Variants in DMD observed in about 807,000 individuals in gnomAD.
DMD encodes the protein dystrophin, also known as mutant dystrophin.
Under a neutral mutation model 330.1 loss-of-function variants are expected in DMD, and 63 were observed. The observed-to-expected ratio is 0.19, with a 90% CI of 0.16 to 0.24. The LOEUF (loss-of-function observed/expected upper bound fraction) is 0.24. Ranked by LOEUF, DMD falls within the 10% of genes least tolerant of loss-of-function variation. DMD has a pLI of 1.00. For missense variants in DMD, 3,344 were observed against 2,684.1 expected (o/e 1.25, Z -5.43); for synonymous variants, 1,223 against 959.8 (o/e 1.27, Z -5.07).
intron 37 of DMD, among the ~76,000 whole-genome samples, chrX:32,359,438 T>A (rs1271973559): frequency 8.9e-6 from 1 of 111,793 alleles, no homozygotes; most frequent in Non-Finnish European, 1.9e-5. Context: ...ACTTTTTTTA[T>A]CACCATAGTA....
At chrX:33,165,228 A>G (rs1200000879) in intron 1 of DMD, among the ~76,000 whole-genome samples, 2 of 111,581 alleles carry the variant, frequency 1.8e-5, no homozygotes, top group African/African-American at 6.5e-5. Context: ...GGGTTTCAGC[A>G]TTGCATGACA....
At chrX:32,683,996 A>AAC (rs751597257) in intron 9 of DMD, among the ~76,000 whole-genome samples, 1,968 of 100,503 alleles carry the variant, frequency 0.02, 27 homozygotes, top group Middle Eastern at 0.067. Context: ...GCACATACAA[A>AAC]ACACACACAC....
chrX:32,890,723 G>A (rs970824784), intron 2 of DMD, among the ~76,000 whole-genome samples: 5 of 112,019 alleles, frequency 4.5e-5, no homozygotes, highest in African/African-American at 1.6e-4. Flanking sequence ...GGGTTATGTT[G>A]TCCAGTAAGA....
intron 60 of DMD, among the ~76,000 whole-genome samples, chrX:31,423,707 C>T (rs143314632): frequency 0.015 from 1,643 of 111,022 alleles, 22 homozygotes; most frequent in African/African-American, 0.05. Flanking sequence ...GTGGAGACAG[C>T]GCTGCATCTC....
intron 52 of DMD, among the ~76,000 whole-genome samples, chrX:31,706,227 G>A (rs1375566836): frequency 1.8e-5 from 2 of 108,637 alleles, no homozygotes; most frequent in African/African-American, 6.7e-5. Context: ...AGACTCAGAA[G>A]AAGTAGAGAA....
chrX:32,291,166 G>A (rs767424167), intron 42 of DMD, among the ~76,000 whole-genome samples: 17 of 111,726 alleles, frequency 1.5e-4, no homozygotes, highest in Non-Finnish European at 3.0e-4. Flanking sequence ...AATTCTGCCT[G>A]TACTTCAGTA....
chrX:31,206,977 A>G (rs1022166974), intron 65 of DMD, among the ~76,000 whole-genome samples: 5 of 108,031 alleles, frequency 4.6e-5, no homozygotes, highest in Non-Finnish European at 7.7e-5. Context: ...AAAAAATTCT[A>G]TTCACCTATG....
intron 62 of DMD, among the ~76,000 whole-genome samples, chrX:31,313,320 T>C (rs961352105): frequency 6.3e-5 from 7 of 110,813 alleles, no homozygotes; most frequent in Non-Finnish European, 3.8e-5. Context: ...TGCAACTTGA[T>C]TGCGAAGATA....
intron 7 of DMD, among the ~76,000 whole-genome samples, chrX:32,726,368 A>G (rs1319310467): frequency 1.8e-5 from 2 of 111,451 alleles, no homozygotes; most frequent in Admixed American, 9.6e-5. Context: ...CCCTATCCAA[A>G]AAGTGATGGC....
At chrX:31,290,429 A>G (rs930652067) in intron 62 of DMD, among the ~76,000 whole-genome samples, 5 of 111,362 alleles carry the variant, frequency 4.5e-5, no homozygotes, top group African/African-American at 9.8e-5. Context: ...AAATACAATT[A>G]TGCAATCATG....
chrX:32,657,047 CCTCTAATTT>C (rs1173562347), intron 9 of DMD, among the ~76,000 whole-genome samples: 2 of 103,110 alleles, frequency 1.9e-5, no homozygotes, highest in African/African-American at 3.6e-5. Flanking sequence ...GTGTTTTCTT[CCTCTAATTT>C]CTCTAATTCT....
chrX:33,266,585 T>C (rs1021989528), intron 1 of DMD, among the ~76,000 whole-genome samples: 9 of 36,106 alleles, frequency 2.5e-4, no homozygotes, highest in Admixed American at 4.1e-4. Flanking sequence ...GAAGAAAGTC[T>C]TGGATTTTTT....
chrX:32,526,022 A>G (rs1235249159), intron 17 of DMD, among the ~76,000 whole-genome samples: 2 of 111,579 alleles, frequency 1.8e-5, no homozygotes, highest in African/African-American at 3.3e-5. Context: ...CTTATGTATC[A>G]TAAGTTGCTC....
chrX:31,732,035 G>A (rs1399316087), intron 51 of DMD, among the ~76,000 whole-genome samples: 2 of 110,974 alleles, frequency 1.8e-5, no homozygotes, highest in Non-Finnish European at 3.8e-5. Flanking sequence ...AGGGTATTGT[G>A]AAACCTGTTC....
At chrX:32,130,179 G>A (rs1437575169) in intron 44 of DMD, among the ~76,000 whole-genome samples, 1 of 110,534 alleles carries the variant, frequency 9.0e-6, no homozygotes, top group African/African-American at 3.3e-5. Flanking sequence ...TGAATAATTT[G>A]CCTTATCACT....
chrX:32,499,624 G>C (rs2043841669), intron 19 of DMD, among the ~76,000 whole-genome samples: 2 of 111,288 alleles, frequency 1.8e-5, no homozygotes, highest in African/African-American at 3.3e-5. Flanking sequence ...CCTAAGCTTG[G>C]GAAGGAAGAT....
At chrX:32,268,816 T>C (rs1255878353) in intron 43 of DMD, among the ~76,000 whole-genome samples, 1 of 110,938 alleles carries the variant, frequency 9.0e-6, no homozygotes, top group Admixed American at 9.6e-5. Context: ...TTTTTTGTAA[T>C]AGAGAGTGAG....
intron 59 of DMD, among the ~76,000 whole-genome samples, chrX:31,454,464 G>A: frequency 8.9e-6 from 1 of 111,887 alleles, no homozygotes; most frequent in Non-Finnish European, 1.9e-5. Context: ...CAAGTTTTTG[G>A]GCTTGCAATC....
At chrX:32,703,674 C>T (rs776631886) in intron 7 of DMD, among the ~76,000 whole-genome samples, 2 of 111,326 alleles carry the variant, frequency 1.8e-5, no homozygotes, top group South Asian at 3.8e-4. Flanking sequence ...CAATTCCTGG[C>T]ACTCTGTGAT....
Sources: allele counts gnomAD v4.1 joint callset (sites outside exome capture counted in the v4.1 genomes callset), GRCh38; gene constraint gnomAD v4.1.1; transcripts MANE v1.5; gene names NCBI Gene and HGNC (gene_info 2026-07-23, HGNC 2026-07-21).